DLG2: variants seen among roughly 807,000 people sequenced by gnomAD.
The protein encoded by DLG2 is disks large homolog 2.
DLG2 carries 45 observed loss-of-function variants against 132.5 expected under a neutral mutation model. That is an observed-to-expected ratio of 0.34 (90% CI 0.27 to 0.44). DLG2 has a LOEUF of 0.44. Among genes scored for constraint, DLG2 ranks in the 20% least tolerant of loss-of-function variants. The probability of loss-of-function intolerance (pLI) is 1.00; values close to 1 mark genes in which losing one functional copy is unlikely to be tolerated. For missense variants in DLG2, 1,045 were observed against 1,196.9 expected, an observed-to-expected ratio of 0.87 and a Z score of 1.87; for synonymous variants, 424 against 419.6, an observed-to-expected ratio of 1.01 and a Z score of -0.13.
chr11:83,704,134 T>C (rs1224462436), intron 18 of DLG2, among the ~76,000 whole-genome samples: 1 of 152,182 alleles, frequency 6.6e-6, no homozygotes, highest in Non-Finnish European at 1.5e-5. Context: ...AAAATATCCT[T>C]TTAAGATATT....
At chr11:84,731,490 G>C (rs2063146557) in intron 6 of DLG2, among the ~76,000 whole-genome samples, 1 of 151,892 alleles carries the variant, frequency 6.6e-6, no homozygotes, top group Non-Finnish European at 1.5e-5. Context: ...AGTGATAAGT[G>C]AGTTGAGATA....
chr11:84,351,915 C>T (rs111432538), intron 7 of DLG2, among the ~76,000 whole-genome samples: 12 of 152,280 alleles, frequency 7.9e-5, no homozygotes, highest in African/African-American at 2.9e-4. Flanking sequence ...AATGACAGCT[C>T]TTGGCCAAGA....
intron 4 of DLG2, among the ~76,000 whole-genome samples, chr11:85,246,390 A>G (rs568336891): frequency 3.7e-4 from 56 of 152,138 alleles, no homozygotes; most frequent in South Asian, 8.3e-4. Flanking sequence ...CTGAGGAAAT[A>G]TGAACCTTGA....
intron 9 of DLG2, among the ~76,000 whole-genome samples, chr11:84,104,299 AT>A (rs2092749909): frequency 6.6e-6 from 1 of 152,162 alleles, no homozygotes; most frequent in African/African-American, 2.4e-5. Context: ...GCTGGAGGCC[AT>A]TAAACTAAGT....
At chr11:84,004,769 A>G (rs1411167662) in intron 11 of DLG2, among the ~76,000 whole-genome samples, 1 of 152,020 alleles carries the variant, frequency 6.6e-6, no homozygotes, top group Non-Finnish European at 1.5e-5. Flanking sequence ...CTGATGAAAG[A>G]AATTAAAGAG....
At chr11:83,495,595 G>T (rs1220126415) in intron 21 of DLG2, among the ~76,000 whole-genome samples, 1 of 152,122 alleles carries the variant, frequency 6.6e-6, no homozygotes, top group African/African-American at 2.4e-5. Context: ...TAAAGAGGAA[G>T]ATTGGTGAGG....
intron 14 of DLG2, among the ~76,000 whole-genome samples, chr11:83,957,388 G>A (rs2087156327): frequency 6.6e-6 from 1 of 152,128 alleles, no homozygotes; most frequent in Non-Finnish European, 1.5e-5. Flanking sequence ...ACTAAGCCAG[G>A]TCTGCTCTTC....
At position 85,463,841 on chromosome 11, in the gene DLG2, A is replaced by G. The variant is rs768739589; in HGVS notation, c.40+134816T>C. ...TACATGAGAGAGAACTGTGTCAAGG[A>G]CTGAATGTGACAAAGGAGAGCATTT... On this transcript the variant is annotated intron_variant, in intron 3 of 27. Transcript: ENST00000376104. 9.2e-5 allele frequency among the ~76,000 whole-genome samples: 14 copies of G among 152,152 alleles called. No individual in the cohort carries two copies. In the South Asian group the frequency reaches 2.9e-3, roughly 32 times the overall value.
intron 6 of DLG2, among the ~76,000 whole-genome samples, chr11:84,569,034 C>T (rs1165142396): frequency 1.3e-5 from 2 of 152,126 alleles, no homozygotes; most frequent in East Asian, 3.9e-4. Flanking sequence ...CTATTACCAG[C>T]CTGACCAGAA....
intron 6 of DLG2, among the ~76,000 whole-genome samples, chr11:84,868,758 C>G (rs943765479): frequency 6.6e-6 from 1 of 152,108 alleles, no homozygotes; most frequent in South Asian, 2.1e-4. Context: ...GCCAATATCT[C>G]AGACAAAACA....
intron 6 of DLG2, among the ~76,000 whole-genome samples, chr11:85,077,907 T>A (rs1317355224): frequency 4.6e-5 from 7 of 151,940 alleles, no homozygotes; most frequent in Admixed American, 1.3e-4. Flanking sequence ...TCTATAAGAA[T>A]TATTTTGCAT....
intron 6 of DLG2, among the ~76,000 whole-genome samples, chr11:84,654,509 A>C (rs934435587): frequency 1.3e-5 from 2 of 152,206 alleles, no homozygotes; most frequent in Admixed American, 6.5e-5. Context: ...TCACAGGATC[A>C]TTAGTAGGAT....
At chr11:85,073,180 A>C (rs1190904540) in intron 6 of DLG2, among the ~76,000 whole-genome samples, 1 of 151,846 alleles carries the variant, frequency 6.6e-6, no homozygotes, top group African/African-American at 2.4e-5. Flanking sequence ...ATTCATACAG[A>C]CAGACCCCTA....
At chr11:83,986,412 G>A (rs2093317598) in intron 11 of DLG2, among the ~76,000 whole-genome samples, 1 of 151,448 alleles carries the variant, frequency 6.6e-6, no homozygotes, top group Non-Finnish European at 1.5e-5. Flanking sequence ...TGGCTGCATA[G>A]TATTCCATGG....
intron 6 of DLG2, among the ~76,000 whole-genome samples, chr11:84,974,091 G>A (rs2054519725): frequency 6.6e-6 from 1 of 152,188 alleles, no homozygotes. Context: ...ACCAAAGGAA[G>A]TAGGAGAGGG....
In DLG2 at chr11:85,401,796, C is replaced by A. The variant is rs1303423582; in HGVS notation, c.41-116431G>T. On this transcript the variant is annotated intron_variant, in intron 3 of 27. Transcript: ENST00000376104. ...ACAACTTACAAAGGATGTGAAGGACCTCTTCAAGGAGAACTACAAACCCAC... is the reference window on the plus strand; with the variant it reads ...ACAACTTACAAAGGATGTGAAGGACATCTTCAAGGAGAACTACAAACCCAC... 1.3e-5 allele frequency among the ~76,000 whole-genome samples: 2 copies of A among 151,952 alleles called. 1 individual carries two copies. The highest frequency in any genetic ancestry group is 3.9e-4 in the East Asian group (2 of 5,192).
chr11:84,994,096 T>C (rs1443843502), intron 6 of DLG2, among the ~76,000 whole-genome samples: 1 of 152,174 alleles, frequency 6.6e-6, no homozygotes, highest in Non-Finnish European at 1.5e-5. Flanking sequence ...TCCCATCTAT[T>C]GTAGTAAAAT....
chr11:84,058,691 C>T (rs902212818), intron 11 of DLG2, among the ~76,000 whole-genome samples: 1 of 150,850 alleles, frequency 6.6e-6, no homozygotes, highest in Admixed American at 6.6e-5. Context: ...TGCCTTAAAA[C>T]AAAACAAAAC....
At chr11:85,139,732 T>C (rs1376512262) in intron 5 of DLG2, among the ~76,000 whole-genome samples, 1 of 152,032 alleles carries the variant, frequency 6.6e-6, no homozygotes, top group Non-Finnish European at 1.5e-5. Context: ...TCTTTAGGCT[T>C]CTTCATAGTA....
Sources: allele counts gnomAD v4.1 joint callset (sites outside exome capture counted in the v4.1 genomes callset), GRCh38; gene constraint gnomAD v4.1.1; transcripts MANE v1.5; gene names NCBI Gene and HGNC (gene_info 2026-07-23, HGNC 2026-07-21).